Variants in POLR3B observed in about 807,000 individuals in gnomAD.
The protein encoded by POLR3B is RNA polymerase III subunit B.
A neutral mutation model predicts 147.4 loss-of-function variants in POLR3B; 96 were observed. The observed-to-expected ratio is 0.65, with a 90% confidence interval of 0.55 to 0.77. POLR3B has a LOEUF of 0.77. Among genes scored for constraint, POLR3B ranks in the 30% least tolerant of loss-of-function variants. POLR3B has a pLI of 0.00. For synonymous variants in POLR3B, 461 were observed against 485.9 expected, an observed-to-expected ratio of 0.95 and a Z score of 0.67; for missense variants, 1,036 against 1,413.5, an observed-to-expected ratio of 0.73 and a Z score of 4.28.
At chr12:106,439,560 G>A (rs73392640) in intron 18 of POLR3B, among the ~76,000 whole-genome samples, 2,163 of 151,110 alleles carry the variant, frequency 0.014, 65 homozygotes, top group African/African-American at 0.05. Flanking sequence ...CTAGAGGATT[G>A]CATGAGTCCA....
chr12:106,430,072 T>C (rs923203082), intron 13 of POLR3B, among the ~76,000 whole-genome samples: 12 of 152,206 alleles, frequency 7.9e-5, no homozygotes, highest in Non-Finnish European at 1.5e-4. Flanking sequence ...ATAGTAATGT[T>C]CATTATCTTC....
At chr12:106,392,921 C>A in intron 9 of POLR3B, 110 bp from the exon 10 acceptor site, 1 of 1,370,088 alleles carries the variant, frequency 7.3e-7, no homozygotes, top group Non-Finnish European at 1.0e-6. Flanking sequence ...GAGAGAAGAG[C>A]TAGCTTTTGC....
At chr12:106,417,373 G>A (rs1266643123) in intron 12 of POLR3B, among the ~76,000 whole-genome samples, 1 of 152,164 alleles carries the variant, frequency 6.6e-6, no homozygotes, top group Non-Finnish European at 1.5e-5. Flanking sequence ...CCAGGTGGAG[G>A]CTGGATCATC....
rs1246265617 is a variant in POLR3B at position 106,504,121 on chromosome 12, C to T, written c.3139C>T (p.Leu1047Phe). The T allele has an allele frequency of 6.2e-7, 1 of 1,614,024 alleles. No individual in the cohort carries two copies. The highest frequency in any genetic ancestry group is 8.5e-7 in the Non-Finnish European group (1 of 1,180,006). Residue 1047 changes from leucine (L) to phenylalanine (F), a missense_variant, in exon 27 of 28, where the codon CTC becomes TTC. Leu to Phe is a conservative substitution (Grantham distance 22, BLOSUM62 0). Coordinates refer to ENST00000228347, the MANE Select transcript of POLR3B (RefSeq NM_018082.6). This position sits in a 1 kb window ranked among gnomAD's most constrained non-coding sequence, Gnocchi z 4.6. ...EGRSRDGGLR[L>F]GEMERDCLIG... is the part of the protein sequence containing the mutation. ...ACGGTCTCGTGATGGTGGCTTGCGT[C>T]TCGGGGAAATGGAACGTGACTGTTT...
At chr12:106,446,181 T>C (rs1172585158) in intron 19 of POLR3B, 1 of 455,012 alleles carries the variant, frequency 2.2e-6, no homozygotes, top group East Asian at 7.0e-5. Context: ...CTATTGGGTT[T>C]ACCAAACCAT....
At chr12:106,483,807 C>T (rs1327976480) in intron 23 of POLR3B, among the ~76,000 whole-genome samples, 1 of 152,192 alleles carries the variant, frequency 6.6e-6, no homozygotes, top group African/African-American at 2.4e-5. Flanking sequence ...TGCAGTTAGT[C>T]CTGCCTTGTC....
intron 12 of POLR3B, among the ~76,000 whole-genome samples, chr12:106,416,541 G>T (rs1424271206): frequency 2.0e-5 from 3 of 152,154 alleles, no homozygotes; most frequent in African/African-American, 7.2e-5. Flanking sequence ...TGAAGCACAG[G>T]TCCTTTTCCC....
intron 19 of POLR3B, among the ~76,000 whole-genome samples, chr12:106,446,542 G>C (rs916961323): frequency 5.9e-5 from 9 of 152,026 alleles, no homozygotes; most frequent in Non-Finnish European, 1.0e-4. Context: ...TTCAGTGTCT[G>C]TAGAGTTCTT....
At position 106,457,320 on chromosome 12, in the gene POLR3B, A is replaced by AT. The variant is rs570589138; in HGVS notation, c.2452+28dup. 7.1e-4 allele frequency: 1,123 copies of AT among 1,584,170 alleles called. 3 individuals are homozygous for AT. The African/African-American group carries it at 9.7e-3, about 14-fold the overall frequency. ...AGGTAAAAGCCTTTTAAAAGAAAAA[A>AT]TTTTAATACTTTTTGACATCATATG... On this transcript the variant is annotated intron_variant, in intron 21 of 27. Coordinates refer to ENST00000228347, the MANE Select transcript of POLR3B (RefSeq NM_018082.6).
At chr12:106,416,418 T>C (rs1484574338) in intron 12 of POLR3B, among the ~76,000 whole-genome samples, 1 of 152,182 alleles carries the variant, frequency 6.6e-6, no homozygotes, top group Non-Finnish European at 1.5e-5. Flanking sequence ...ATGTGCCTTC[T>C]CTTGTTCTTG....
chr12:106,378,507 G>A (rs2036712568), intron 8 of POLR3B, 123 bp downstream of exon 8: 3 of 654,094 alleles, frequency 4.6e-6, no homozygotes, highest in Non-Finnish European at 8.2e-6. Context: ...TAATATTTAA[G>A]CTATCTGCAT....
chr12:106,374,518 G>GTT (rs754932069), intron 6 of POLR3B, among the ~76,000 whole-genome samples: 15 of 143,112 alleles, frequency 1.0e-4, no homozygotes, highest in Admixed American at 1.4e-4. Context: ...TTTGTGGCAT[G>GTT]TTTTTTTTTT....
At chr12:106,392,073 G>C (rs1009188038) in intron 9 of POLR3B, among the ~76,000 whole-genome samples, 1 of 152,180 alleles carries the variant, frequency 6.6e-6, no homozygotes, top group African/African-American at 2.4e-5. Context: ...GTACCATATG[G>C]AATCTACAAA....
intron 25 of POLR3B, among the ~76,000 whole-genome samples, chr12:106,499,367 C>T (rs1241372488): frequency 6.6e-6 from 1 of 152,182 alleles, no homozygotes; most frequent in African/African-American, 2.4e-5. Flanking sequence ...GTCTATATCC[C>T]AGTCCACACT....
intron 23 of POLR3B, among the ~76,000 whole-genome samples, chr12:106,464,031 C>T (rs1463251787): frequency 6.6e-6 from 1 of 151,988 alleles, no homozygotes; most frequent in Non-Finnish European, 1.5e-5. Context: ...TCAGAGTTAT[C>T]CGTCCCCTTG....
At chr12:106,508,927 C>G (rs2038731819) in intron 27 of POLR3B, among the ~76,000 whole-genome samples, 1 of 152,198 alleles carries the variant, frequency 6.6e-6, no homozygotes, top group Non-Finnish European at 1.5e-5. Context: ...CTTTACGTAT[C>G]TCAGTGACAG....
chr12:106,406,033 G>C, intron 11 of POLR3B, 57 bp downstream of exon 11: 2 of 1,582,610 alleles, frequency 1.3e-6, no homozygotes. Flanking sequence ...ATTCCTGTTA[G>C]AGAACTGTGA....
chr12:106,476,976 G>GT (rs2038180875), intron 23 of POLR3B, among the ~76,000 whole-genome samples: 1 of 151,090 alleles, frequency 6.6e-6, no homozygotes, highest in South Asian at 2.1e-4. Flanking sequence ...TTTCTGTTCT[G>GT]TTTTTTCCCC....
At chr12:106,424,604 G>A (rs2037412942) in intron 12 of POLR3B, among the ~76,000 whole-genome samples, 1 of 152,098 alleles carries the variant, frequency 6.6e-6, no homozygotes, top group East Asian at 1.9e-4. Flanking sequence ...GAAAGGTGGG[G>A]TAAATGCTTG....
Sources: gnomAD v4.1 joint callset for allele counts (sites outside exome capture counted in the v4.1 genomes callset) on GRCh38, gnomAD v4.1.1 for gene constraint, Gnocchi (gnomAD v3.1) non-coding constraint, MANE v1.5 for transcripts, NCBI Gene and HGNC (gene_info 2026-07-23, HGNC 2026-07-21) for gene names.